The following SCN1A variants were observed in gnomAD, a reference collection of about 807,000 sequenced individuals.
SCN1A encodes the protein sodium voltage-gated channel alpha subunit 1, also known as sodium channel protein type 1 subunit alpha.
In SCN1A, 13 loss-of-function variants were observed where a neutral mutation model predicts 193.7. The ratio of observed to expected loss-of-function variants is 0.07; its 90% CI spans 0.04 to 0.11. The LOEUF (loss-of-function observed/expected upper bound fraction) is 0.11, where lower values mean the gene tolerates loss of function less well. Among genes scored for constraint, SCN1A ranks in the 10% least tolerant of loss-of-function variants. The pLI is 1.00. For synonymous variants in SCN1A, 781 were observed against 843.6 expected, an observed-to-expected ratio of 0.93 and a Z score of 1.29; for missense variants, 1,432 against 2,451.1, an observed-to-expected ratio of 0.58 and a Z score of 8.78.
intron 2 of SCN1A, among the ~76,000 whole-genome samples, chr2:166,093,127 T>C (rs1425614092): frequency 1.3e-5 from 2 of 151,650 alleles, no homozygotes; most frequent in East Asian, 3.9e-4. Context: ...ATGCACTGCA[T>C]GACCTAGAGT....
In SCN1A at chr2:165,988,613, C is replaced by T. The variant is rs1304680663; in HGVS notation, c.*2632G>A. On this transcript the variant is annotated 3_prime_UTR_variant, in exon 29 of 29. Coordinates refer to ENST00000674923, the MANE Select transcript of SCN1A (RefSeq NM_001165963.4). ...AATTGGAGAAGAAATATTCCTATGTCAATCTTCTCTCTCTGGTGCTTTCCC... is the reference window on the plus strand; with the variant it reads ...AATTGGAGAAGAAATATTCCTATGTTAATCTTCTCTCTCTGGTGCTTTCCC... 1 of 152,168 alleles carries T rather than the reference C, an allele frequency of 6.6e-6. No individual in the cohort carries two copies. The highest frequency in any genetic ancestry group is 1.5e-5 in the Non-Finnish European group (1 of 68,084). 9.4% of individuals were successfully genotyped at this position (152,168 alleles called of 1,614,324 possible).
Position 166,061,034 on chromosome 2 carries a change from C to G in SCN1A, c.265-2346G>C, listed in dbSNP as rs182001380. On this transcript the variant is annotated intron_variant, in intron 4 of 28. Transcript: ENST00000674923. ...CAAAGAGATAATGAGAAAGAAATGA[C>G]AATCCATAGATGGCCTAAATCATGG... Among the ~76,000 whole-genome samples the G allele has an allele frequency of 1.4e-3, 208 of 152,152 alleles. 1 individual carries two copies. The highest frequency in any genetic ancestry group is 4.8e-3 in the African/African-American group (199 of 41,498).
intron 2 of SCN1A, among the ~76,000 whole-genome samples, chr2:166,101,622 A>C (rs1688093724): frequency 6.6e-6 from 1 of 152,174 alleles, no homozygotes; most frequent in Admixed American, 6.5e-5. Flanking sequence ...ATAGCAAGCA[A>C]GGCAGAAAAG....
chr2:166,052,692 A>G (rs1698711278), intron 8 of SCN1A, among the ~76,000 whole-genome samples, 160 bp downstream of exon 8: 1 of 151,826 alleles, frequency 6.6e-6, no homozygotes, highest in Admixed American at 6.6e-5. Context: ...AGACATTGTT[A>G]AACTCCAAGG....
At chr2:165,995,922 A>T (rs1226587418) in intron 27 of SCN1A, 91 bp downstream of exon 27, 5 of 858,118 alleles carry the variant, frequency 5.8e-6, no homozygotes, top group Non-Finnish European at 9.8e-6. Context: ...AATTTTTTCT[A>T]CTGGAAATGT....
At chr2:166,118,542 A>G (rs987288159) in intron 2 of SCN1A, among the ~76,000 whole-genome samples, 81 of 151,786 alleles carry the variant, frequency 5.3e-4, no homozygotes, top group Non-Finnish European at 1.6e-4. Flanking sequence ...CCCAGGTGGC[A>G]CTGAAATGAT....
At chr2:166,008,769 A>T (rs1186983312) in intron 23 of SCN1A, among the ~76,000 whole-genome samples, 1 of 151,094 alleles carries the variant, frequency 6.6e-6, no homozygotes, top group Non-Finnish European at 1.5e-5. Flanking sequence ...CCATAAAAGT[A>T]ACTACACCTT....
In SCN1A at chr2:166,051,780, A is replaced by G. The variant is rs745648070; in HGVS notation, c.903T>C (p.Asn301=). The change falls in exon 9 of 29, where the codon AAT becomes AAC. Residue 301 remains asparagine, a synonymous_variant. Coordinates refer to ENST00000674923, the MANE Select transcript of SCN1A (RefSeq NM_001165963.4). ...SIEKNITVNY[N]GTLINETVFE... ...AGACAGTTTCATTTATAAGTGTACC[A>G]TTATAATTCACAGTTATATTCTTTT... The G allele has an allele frequency of 7.5e-6, 12 of 1,608,596 alleles. No individual in the cohort carries two copies.
chr2:166,029,858 A>G (rs78685888), intron 19 of SCN1A, among the ~76,000 whole-genome samples: 8 of 152,146 alleles, frequency 5.3e-5, no homozygotes, highest in African/African-American at 1.9e-4. Flanking sequence ...AAGCACAACT[A>G]TCACACTCTG....
intron 2 of SCN1A, among the ~76,000 whole-genome samples, chr2:166,118,997 A>G (rs1690228480): frequency 1.3e-5 from 2 of 152,138 alleles, no homozygotes; most frequent in African/African-American, 2.4e-5. Context: ...TCTCATAAGG[A>G]GCACACAACC....
intron 18 of SCN1A, among the ~76,000 whole-genome samples, chr2:166,037,405 C>T (rs756553451): frequency 6.6e-6 from 1 of 152,128 alleles, no homozygotes; most frequent in Non-Finnish European, 1.5e-5. Context: ...CTTCTCTCTT[C>T]CTTGGCTCTG....
chr2:166,128,284 GA>G (rs1691471433), upstream of SCN1A, among the ~76,000 whole-genome samples: 2 of 151,862 alleles, frequency 1.3e-5, no homozygotes, highest in Non-Finnish European at 2.9e-5. Context: ...GAAAAGGTTT[GA>G]AAGTAAATAT....
intron 1 of SCN1A, among the ~76,000 whole-genome samples, chr2:166,139,136 C>G (rs999399507): frequency 4.6e-5 from 7 of 151,424 alleles, no homozygotes; most frequent in African/African-American, 1.7e-4. Flanking sequence ...GCCTCATAGG[C>G]AGAAGGGACT....
At chr2:166,001,017 T>G (rs2105495518) in intron 24 of SCN1A, among the ~76,000 whole-genome samples, 1 of 151,864 alleles carries the variant, frequency 6.6e-6, no homozygotes, top group South Asian at 2.1e-4. Flanking sequence ...TTCCTCAAAT[T>G]TATGGAGGAG....
chr2:166,068,637 C>T (rs1372324397), intron 4 of SCN1A, among the ~76,000 whole-genome samples: 3 of 152,078 alleles, frequency 2.0e-5, no homozygotes, highest in Admixed American at 6.6e-5. Flanking sequence ...CTCTCTCCAC[C>T]CAATTTAACA....
chr2:166,141,074 T>G (rs566231555), intron 1 of SCN1A, among the ~76,000 whole-genome samples: 35 of 152,266 alleles, frequency 2.3e-4, no homozygotes, highest in African/African-American at 8.2e-4. Flanking sequence ...ACTCACTTCC[T>G]TCTGCACCTT....
At chr2:166,071,313 A>T (rs1309317477) in intron 4 of SCN1A, among the ~76,000 whole-genome samples, 1 of 152,218 alleles carries the variant, frequency 6.6e-6, no homozygotes, top group African/African-American at 2.4e-5. Flanking sequence ...ATAAAGTGCA[A>T]CTTTTCTCAT....
At chr2:166,120,010 TA>T (rs1228058880) in intron 2 of SCN1A, among the ~76,000 whole-genome samples, 1 of 151,912 alleles carries the variant, frequency 6.6e-6, no homozygotes, top group Non-Finnish European at 1.5e-5. Context: ...TTTGAAAAAA[TA>T]AATTATTAAC....
intron 2 of SCN1A, among the ~76,000 whole-genome samples, chr2:166,123,779 G>T (rs1340524333): frequency 6.6e-6 from 1 of 151,690 alleles, no homozygotes. Flanking sequence ...TCTTTGATTT[G>T]TTTTTTTAAA....
Sources: allele counts gnomAD v4.1 joint callset (sites outside exome capture counted in the v4.1 genomes callset), GRCh38; gene constraint gnomAD v4.1.1; transcripts MANE v1.5; gene names NCBI Gene and HGNC (gene_info 2026-07-23, HGNC 2026-07-21).